The following TFEC variants were observed in gnomAD, a reference collection of about 807,000 sequenced individuals.
TFEC encodes transcription factor EC.
TFEC carries 31 observed loss-of-function variants against 41.6 expected under a neutral mutation model. The observed-to-expected ratio is 0.74, with a 90% confidence interval of 0.56 to 1.01. The LOEUF (loss-of-function observed/expected upper bound fraction) is 1.01, where lower values mean the gene tolerates loss of function less well. TFEC is among the 50% of genes least tolerant of loss of function. The pLI is 0.00. For missense variants in TFEC, 402 were observed against 404.1 expected, an observed-to-expected ratio of 0.99 and a Z score of 0.04; for synonymous variants, 143 against 140.6, an observed-to-expected ratio of 1.02 and a Z score of -0.12.
intron 6 of TFEC, among the ~76,000 whole-genome samples, chr7:115,946,625 TCTC>T (rs1791579617): frequency 4.3e-5 from 2 of 46,296 alleles, no homozygotes; most frequent in South Asian, 1.5e-3. Flanking sequence ...TCTTTCTTTC[TCTC>T]TCTCTCTCTT....
intron 2 of TFEC, among the ~76,000 whole-genome samples, chr7:115,983,719 C>T (rs1248969218): frequency 1.3e-5 from 2 of 151,904 alleles, no homozygotes; most frequent in Non-Finnish European, 2.9e-5. Flanking sequence ...ATGATCAGCA[C>T]CTCTAAATTT....
intron 1 of TFEC, among the ~76,000 whole-genome samples, chr7:115,990,971 G>A (rs1447235351): frequency 6.6e-6 from 1 of 152,070 alleles, no homozygotes; most frequent in African/African-American, 2.4e-5. Context: ...ATGTTAAAGG[G>A]AGCCAGAGAG....
At chr7:115,974,406 TTATATATATATATATATA>T (rs572119521) in intron 2 of TFEC, 150 bp from the exon 3 acceptor site, 16 of 65,012 alleles carry the variant, frequency 2.5e-4, no homozygotes, top group East Asian at 1.7e-3. Context: ...AACCTCAATA[TTATATATATATATATATA>T]TATATATATA....
rs532107684 is a variant in TFEC at position 116,068,907 on chromosome 7, T to C, written c.198+41801A>G. Among the ~76,000 whole-genome samples, 8 of 151,590 alleles carry C rather than the reference T, an allele frequency of 5.3e-5. No homozygotes were observed. In the South Asian group the frequency reaches 8.3e-4, roughly 16 times the overall value. On this transcript the variant is annotated intron_variant, in intron 3 of 8. Coordinates refer to the TFEC transcript ENST00000484212. ...ATAAAATATACAGAACCTGAACACA[T>C]TGAAATAATGGAAATGATACAAACC...
chr7:116,012,380 T>C (rs1301385401), intron 1 of TFEC, among the ~76,000 whole-genome samples: 1 of 152,198 alleles, frequency 6.6e-6, no homozygotes, highest in Non-Finnish European at 1.5e-5. Flanking sequence ...CATGCTTAAA[T>C]GTACTGTTTT....
intron 3 of TFEC, among the ~76,000 whole-genome samples, chr7:115,970,169 G>C (rs1793068288): frequency 6.6e-6 from 1 of 151,906 alleles, no homozygotes; most frequent in African/African-American, 2.4e-5. Context: ...ACATCTGTGA[G>C]AAGAAAAAGA....
At chr7:116,058,679 T>A (rs148774884) in intron 3 of TFEC, among the ~76,000 whole-genome samples, 17 of 151,914 alleles carry the variant, frequency 1.1e-4, no homozygotes, top group Non-Finnish European at 5.9e-5. Context: ...AGGATTCATA[T>A]CATGCAAAAT....
intron 3 of TFEC, among the ~76,000 whole-genome samples, chr7:116,044,309 G>T (rs982590239): frequency 2.0e-5 from 3 of 152,122 alleles, no homozygotes; most frequent in African/African-American, 7.2e-5. Flanking sequence ...TTTTCTAATT[G>T]ATATTTTAAG....
At chr7:116,157,985 G>C (rs1032090175) in intron 1 of TFEC, among the ~76,000 whole-genome samples, 3 of 152,078 alleles carry the variant, frequency 2.0e-5, no homozygotes, top group African/African-American at 7.2e-5. Context: ...AATTCATGCA[G>C]ATACACACAA....
Position 115,956,737 on chromosome 7 carries a change from G to A in TFEC, c.324C>T (p.Asn108=), listed in dbSNP as rs775192710. ...YSGEQGISPI[N]MGLTSASCPS... ...GACAAGAAGCACTTGTAAGCCCCAT[G>A]TTAATTGGTGAAATTCCTTGTTCAC... The change falls in exon 4 of 8, where the codon AAC becomes AAT. Residue 108 remains asparagine (N), a synonymous_variant. Coordinates refer to ENST00000265440, the MANE Select transcript of TFEC (RefSeq NM_012252.4). 6.2e-7 allele frequency: 1 copy of A among 1,610,700 alleles called. No individual in the cohort carries two copies. The highest frequency in any genetic ancestry group is 8.5e-7 in the Non-Finnish European group (1 of 1,178,054).
intron 3 of TFEC, among the ~76,000 whole-genome samples, chr7:115,970,718 C>T (rs75133441): frequency 6.6e-6 from 1 of 151,990 alleles, no homozygotes; most frequent in African/African-American, 2.4e-5. Context: ...CAATTATTCA[C>T]ATAGGAGCTA....
chr7:116,141,647 T>C (rs1275981489), intron 1 of TFEC, among the ~76,000 whole-genome samples: 1 of 152,176 alleles, frequency 6.6e-6, no homozygotes, highest in African/African-American at 2.4e-5. Flanking sequence ...AAGTTAGATG[T>C]ATTATTTGCT....
intron 3 of TFEC, among the ~76,000 whole-genome samples, chr7:116,047,628 T>G (rs928919514): frequency 6.6e-6 from 1 of 152,218 alleles, no homozygotes; most frequent in Non-Finnish European, 1.5e-5. Context: ...TAAACCTCCC[T>G]GTCTGACAGC....
intron 1 of TFEC, among the ~76,000 whole-genome samples, chr7:116,017,396 G>T (rs1361936577): frequency 6.6e-6 from 1 of 152,060 alleles, no homozygotes; most frequent in Non-Finnish European, 1.5e-5. Context: ...GCTAATTTTT[G>T]TATTTTTCGT....
At chr7:115,968,192 A>G in intron 3 of TFEC, 1 of 1,527,212 alleles carries the variant, frequency 6.5e-7, no homozygotes. Context: ...CACCAGTTTT[A>G]ACTTTGAAGT....
chr7:115,956,577 G>T, intron 4 of TFEC, 102 bp downstream of exon 4: 1 of 611,110 alleles, frequency 1.6e-6, no homozygotes, highest in Non-Finnish European at 2.5e-6. Context: ...TTTTGTAACT[G>T]TTTTGTTATA....
At chr7:115,988,166 CA>C (rs565646106) in intron 1 of TFEC, among the ~76,000 whole-genome samples, 1 of 151,502 alleles carries the variant, frequency 6.6e-6, no homozygotes, top group Non-Finnish European at 1.5e-5. Context: ...TCCTGCCTAT[CA>C]AAAAAAATTA....
chr7:116,021,405 A>G (rs1369757265), intron 1 of TFEC, among the ~76,000 whole-genome samples: 1 of 152,196 alleles, frequency 6.6e-6, no homozygotes, highest in Non-Finnish European at 1.5e-5. Flanking sequence ...CTTGGCCACA[A>G]CAGGGTAGAG....
At chr7:116,091,527 T>C (rs900965837) in intron 3 of TFEC, among the ~76,000 whole-genome samples, 5 of 152,132 alleles carry the variant, frequency 3.3e-5, no homozygotes, top group African/African-American at 1.2e-4. Flanking sequence ...CTGTAATATG[T>C]CCCCACCATT....
Sources: allele counts gnomAD v4.1 joint callset (sites outside exome capture counted in the v4.1 genomes callset), GRCh38; gene constraint gnomAD v4.1.1; transcripts MANE v1.5; gene names NCBI Gene and HGNC (gene_info 2026-07-23, HGNC 2026-07-21).